Variants in ADAM22 observed in about 807,000 individuals in gnomAD.
The protein encoded by ADAM22 is disintegrin and metalloproteinase domain-containing protein 22.
A neutral mutation model predicts 144.6 loss-of-function variants in ADAM22; 65 were observed. The observed-to-expected ratio is 0.45, with a 90% confidence interval of 0.37 to 0.55. ADAM22 has a LOEUF of 0.55. ADAM22 is among the 20% of genes least tolerant of loss of function. ADAM22 has a pLI of 0.00. For synonymous variants in ADAM22, 391 were observed against 412.6 expected, an observed-to-expected ratio of 0.95 and a Z score of 0.63; for missense variants, 974 against 1,184.9, an observed-to-expected ratio of 0.82 and a Z score of 2.61.
At chr7:88,088,575 G>C (rs1366643128) in intron 4 of ADAM22, among the ~76,000 whole-genome samples, 1 of 150,878 alleles carries the variant, frequency 6.6e-6, no homozygotes, top group Non-Finnish European at 1.5e-5. Flanking sequence ...TAAATATAGT[G>C]ACTGTCAGGA....
At chr7:87,947,210 G>A (rs977157262) in intron 2 of ADAM22, among the ~76,000 whole-genome samples, 4 of 152,108 alleles carry the variant, frequency 2.6e-5, no homozygotes, top group African/African-American at 9.7e-5. Context: ...TAAAATAAAA[G>A]TTGAAATTAT....
At chr7:88,111,091 A>G (rs1825923362) in intron 5 of ADAM22, among the ~76,000 whole-genome samples, 1 of 152,026 alleles carries the variant, frequency 6.6e-6, no homozygotes, top group African/African-American at 2.4e-5. Flanking sequence ...AAAAATAAAC[A>G]GAAAACCTAT....
At chr7:88,095,759 A>G (rs940616914) in intron 4 of ADAM22, among the ~76,000 whole-genome samples, 133 of 151,792 alleles carry the variant, frequency 8.8e-4, no homozygotes, top group African/African-American at 3.1e-3. Flanking sequence ...TAGATTTAAC[A>G]TAGTTCAGTG....
rs575014782 is a variant in ADAM22, at chr7:88,093,003, C to T, written c.391-15173C>T. 2.0e-5 allele frequency among the ~76,000 whole-genome samples: 3 copies of T among 152,174 alleles called. No homozygotes were observed. The South Asian group carries it at 6.2e-4, about 32-fold the overall frequency. The stretch of plus-strand genomic sequence containing the variant: ...AAGAGTTATTTCATCTGTTAATGTT[C>T]AAGATGTTATCTATAAACTTAAAAG... On this transcript the variant is annotated intron_variant, in intron 4 of 31. Transcript: ENST00000413139.
chr7:88,066,616 G>C (rs780877815), intron 3 of ADAM22, among the ~76,000 whole-genome samples: 2 of 152,198 alleles, frequency 1.3e-5, no homozygotes, highest in Middle Eastern at 6.8e-3. Flanking sequence ...TTAATTAAGA[G>C]AAAACATTAG....
At chr7:88,103,102 G>A (rs1823400291) in intron 4 of ADAM22, among the ~76,000 whole-genome samples, 1 of 152,150 alleles carries the variant, frequency 6.6e-6, no homozygotes, top group Non-Finnish European at 1.5e-5. Flanking sequence ...GGAGGGGTTA[G>A]CAGGAAGTCA....
chr7:88,180,281 A>G (rs1361312997), intron 27 of ADAM22, among the ~76,000 whole-genome samples: 3 of 152,136 alleles, frequency 2.0e-5, no homozygotes, highest in Admixed American at 1.3e-4. Context: ...AGAGAAGACT[A>G]GGGTTCTACT....
intron 2 of ADAM22, among the ~76,000 whole-genome samples, chr7:87,977,450 G>A (rs1006326392): frequency 6.6e-6 from 1 of 152,088 alleles, no homozygotes; most frequent in Non-Finnish European, 1.5e-5. Flanking sequence ...TGTTTGTCAC[G>A]TTTCTCATTT....
intron 14 of ADAM22, 42 bp from the exon 15 acceptor site, chr7:88,142,984 A>G: frequency 8.1e-7 from 1 of 1,242,142 alleles, no homozygotes; most frequent in Non-Finnish European, 1.2e-6. Context: ...CAAATGAGAA[A>G]GATGAGTTGA....
At chr7:88,016,908 A>G (rs945852914) in intron 3 of ADAM22, among the ~76,000 whole-genome samples, 9 of 152,206 alleles carry the variant, frequency 5.9e-5, no homozygotes, top group Admixed American at 5.9e-4. Flanking sequence ...GTTTGAAGCC[A>G]GGAGTTCAAC....
intron 3 of ADAM22, among the ~76,000 whole-genome samples, chr7:88,073,199 C>A (rs1165054183): frequency 1.3e-5 from 2 of 152,108 alleles, no homozygotes; most frequent in East Asian, 3.8e-4. Flanking sequence ...GTAATTCTGG[C>A]AGAAGATACT....
intron 15 of ADAM22, among the ~76,000 whole-genome samples, chr7:88,143,739 A>T (rs1835489300): frequency 6.6e-6 from 1 of 152,250 alleles, no homozygotes; most frequent in Non-Finnish European, 1.5e-5. Flanking sequence ...CTTGCGAATT[A>T]TGTGAACTGT....
In ADAM22 at chr7:87,977,578, C is replaced by T. The variant is rs149912813; in HGVS notation, c.247-758C>T. On this transcript the variant is annotated intron_variant, in intron 2 of 31. Transcript: ENST00000413139. ...TAGCTACTGTTCATATTTGGTGAGT[C>T]GAATGGAACACACAGTTTTGCTTCC... is the stretch of plus-strand genomic sequence containing the variant. Among the ~76,000 whole-genome samples the T allele has an allele frequency of 4.3e-4, 65 of 152,186 alleles. 1 individual carries two copies. In the East Asian group the frequency reaches 8.7e-3, roughly 20 times the overall value.
intron 4 of ADAM22, 28 bp from the exon 5 acceptor site, chr7:88,108,148 G>T: frequency 6.3e-7 from 1 of 1,595,302 alleles, no homozygotes; most frequent in Non-Finnish European, 8.6e-7. Context: ...GTGATGCAAA[G>T]ACTTACATTC....
chr7:88,142,159 C>T (rs574919309), intron 14 of ADAM22, among the ~76,000 whole-genome samples: 83 of 152,274 alleles, frequency 5.5e-4, no homozygotes, highest in African/African-American at 1.9e-3. Context: ...CCTTACTTTG[C>T]ATTTTCTACA....
intron 3 of ADAM22, among the ~76,000 whole-genome samples, chr7:87,991,045 A>G (rs1177086944): frequency 6.6e-6 from 1 of 151,922 alleles, no homozygotes; most frequent in Non-Finnish European, 1.5e-5. Flanking sequence ...AATTTCAATC[A>G]TTTTTCTTTG....
intron 3 of ADAM22, 138 bp downstream of exon 3, chr7:87,978,550 T>G (rs2129448815): frequency 1.6e-6 from 1 of 618,626 alleles, no homozygotes; most frequent in Non-Finnish European, 2.7e-6. Context: ...TATACTTATT[T>G]ACTGTAGGTT....
intron 3 of ADAM22, among the ~76,000 whole-genome samples, chr7:87,982,820 G>T (rs1023049141): frequency 6.7e-6 from 1 of 149,594 alleles, no homozygotes; most frequent in Non-Finnish European, 1.5e-5. Context: ...TGAGCCTCCC[G>T]AGTAGCTGGA....
chr7:88,193,242 A>T lies in ADAM22; in HGVS notation c.2874+3A>T, dbSNP rs2129541233. The T allele has an allele frequency of 6.2e-7, 1 of 1,613,648 alleles. No homozygotes were observed. The highest frequency in any genetic ancestry group is 1.1e-5 in the South Asian group (1 of 90,986). On this transcript the variant is annotated splice_donor_region_variant and intron_variant, in intron 31 of 31. Coordinates refer to ENST00000413139, the MANE Select transcript of ADAM22 (RefSeq NM_001324418.2). ...AAGTGAACCGACAAAGTGCCAGGGT[A>T]TGTGGAAACCTCTTCCATGTGCGTA...
Sources: gnomAD v4.1 joint callset for allele counts (sites outside exome capture counted in the v4.1 genomes callset) on GRCh38, gnomAD v4.1.1 for gene constraint, MANE v1.5 for transcripts, NCBI Gene and HGNC (gene_info 2026-07-23, HGNC 2026-07-21) for gene names.